Variants in BAZ2B observed in about 807,000 individuals in gnomAD.
BAZ2B encodes bromodomain adjacent to zinc finger domain 2B.
BAZ2B carries 91 observed loss-of-function variants against 246.0 expected under a neutral mutation model. The ratio of observed to expected loss-of-function variants is 0.37; its 90% confidence interval spans 0.31 to 0.44. BAZ2B has a LOEUF of 0.44. Among genes scored for constraint, BAZ2B ranks in the 20% least tolerant of loss-of-function variants. BAZ2B has a pLI of 1.00. For missense variants in BAZ2B, 2,332 were observed against 2,533.7 expected, an observed-to-expected ratio of 0.92 and a Z score of 1.71; for synonymous variants, 855 against 860.0, an observed-to-expected ratio of 0.99 and a Z score of 0.10.
At chr2:159,623,016 G>C in the BAZ2B span, among the ~76,000 whole-genome samples, 168 of 127,052 alleles carry the variant, frequency 1.3e-3, no homozygotes, top group Non-Finnish European at 2.2e-3. Flanking sequence ...AAACAGGAAA[G>C]GAAAGAAAAG....
At chr2:159,615,152 G>A (rs1695619516) in intron 1 of BAZ2B, 1 of 152,020 alleles carries the variant, frequency 6.6e-6, no homozygotes, top group African/African-American at 2.4e-5. Context: ...GAGGGAGAAA[G>A]AAAAGAAGAG....
At chr2:159,502,900 T>C (rs902897660) in intron 2 of BAZ2B, among the ~76,000 whole-genome samples, 1 of 152,188 alleles carries the variant, frequency 6.6e-6, no homozygotes, top group African/African-American at 2.4e-5. Flanking sequence ...ATATACTTTT[T>C]AAAAACTTGG....
chr2:159,380,302 T>A (rs1306954090), intron 25 of BAZ2B, among the ~76,000 whole-genome samples: 2 of 152,194 alleles, frequency 1.3e-5, no homozygotes, highest in Non-Finnish European at 2.9e-5. Flanking sequence ...CTTCATTTTC[T>A]CACTTTCTAT....
chr2:159,696,922 G>A, the BAZ2B span, among the ~76,000 whole-genome samples: 4 of 152,122 alleles, frequency 2.6e-5, no homozygotes, highest in Admixed American at 1.3e-4. Context: ...AAGTAGCTGC[G>A]ACTACAGGTG....
chr2:159,322,996 T>C (rs750799769), intron 36 of BAZ2B, among the ~76,000 whole-genome samples: 1,699 of 70,596 alleles, frequency 0.024, 14 homozygotes, highest in Non-Finnish European at 0.072. Context: ...TTTTGTAGCT[T>C]TTTTTTTTTT....
At chr2:159,427,552 T>TA (rs1201921124) in intron 13 of BAZ2B, among the ~76,000 whole-genome samples, 20 of 152,134 alleles carry the variant, frequency 1.3e-4, no homozygotes, top group Non-Finnish European at 2.5e-4. Flanking sequence ...GGCATACATA[T>TA]CCTCTTTTGG....
chr2:159,645,428 T>C, the BAZ2B span, among the ~76,000 whole-genome samples: 2 of 152,120 alleles, frequency 1.3e-5, no homozygotes, highest in African/African-American at 4.8e-5. Context: ...GGTTTCAGAA[T>C]GAAACTGTTC....
rs114815640 is a variant in BAZ2B, at chr2:159,345,447, T to C, written c.5454+2039A>G. On this transcript the variant is annotated intron_variant, in intron 31 of 36. Transcript: ENST00000392783. ...AACATCACCATGTACTCCATGATAC[T>C]GTACATTATCATTTATGATTTTAAA... Among the ~76,000 whole-genome samples, 1,393 of 152,330 alleles carry C rather than the reference T, an allele frequency of 9.1e-3. 22 individuals are homozygous for C. Among genetic ancestry groups the C allele is most frequent in the African/African-American group, 0.031 (1,269 of 41,570 alleles).
intron 2 of BAZ2B, among the ~76,000 whole-genome samples, chr2:159,512,970 T>G (rs750966260): frequency 1.3e-5 from 2 of 152,168 alleles, no homozygotes; most frequent in African/African-American, 4.8e-5. Context: ...AATTTTAACA[T>G]CATACATTTT....
chr2:159,559,590 G>T (rs2089609615), intron 1 of BAZ2B, among the ~76,000 whole-genome samples: 1 of 152,012 alleles, frequency 6.6e-6, no homozygotes, highest in African/African-American at 2.4e-5. Flanking sequence ...AAGCACTAAA[G>T]CTCATAGGAT....
At chr2:159,385,426 C>A (rs2062522720) in intron 22 of BAZ2B, 57 bp from the exon 23 acceptor site, 2 of 1,412,386 alleles carry the variant, frequency 1.4e-6, no homozygotes, top group Admixed American at 3.6e-5. Context: ...ACCATAAAAA[C>A]AATAAGATTA....
the BAZ2B span, among the ~76,000 whole-genome samples, chr2:159,709,004 T>G: frequency 2.0e-5 from 3 of 152,106 alleles, no homozygotes; most frequent in African/African-American, 7.2e-5. Context: ...AAATAAAAAT[T>G]TATAAAGGCA....
chr2:159,623,107 A>G, the BAZ2B span, among the ~76,000 whole-genome samples: 1 of 147,252 alleles, frequency 6.8e-6, no homozygotes, highest in Non-Finnish European at 1.5e-5. Context: ...GGGAGAGGGA[A>G]GGGAAGGGAG....
rs780136864 is a variant in BAZ2B at position 159,347,469 on chromosome 2, T to C, written c.5454+17A>G. ...TCCATTATCCTAAAAACATATTTTA[T>C]TCCAAGTCGATTTTACCTTCACTTG... On this transcript the variant is annotated intron_variant, in intron 31 of 36. Transcript: ENST00000392783. The C allele has an allele frequency of 4.3e-5, 69 of 1,608,912 alleles. No individual in the cohort carries two copies. The highest frequency in any genetic ancestry group is 5.7e-5 in the Non-Finnish European group (67 of 1,175,758).
chr2:159,335,879 A>G (rs2065580685), intron 33 of BAZ2B, among the ~76,000 whole-genome samples: 1 of 152,180 alleles, frequency 6.6e-6, no homozygotes, highest in South Asian at 2.1e-4. Context: ...AGTAAATGGT[A>G]GCCAGGCACA....
At chr2:159,395,510 AT>A (rs1436722919) in intron 20 of BAZ2B, 1 of 270,946 alleles carries the variant, frequency 3.7e-6, no homozygotes, top group East Asian at 7.3e-5. Flanking sequence ...AGCTACTTTT[AT>A]CTAAACCAAT....
the BAZ2B span, among the ~76,000 whole-genome samples, chr2:159,708,549 A>T: frequency 7.9e-4 from 22 of 27,866 alleles, no homozygotes; most frequent in African/African-American, 2.2e-3. Flanking sequence ...ATAACCTTTT[A>T]TTTATTTATT....
At chr2:159,610,438 C>T (rs746731593) in intron 1 of BAZ2B, among the ~76,000 whole-genome samples, 17 of 152,180 alleles carry the variant, frequency 1.1e-4, no homozygotes, top group Non-Finnish European at 1.5e-4. Context: ...AACCTCTCTG[C>T]CCTCAGCAGG....
intron 1 of BAZ2B, among the ~76,000 whole-genome samples, chr2:159,558,832 T>A (rs1439402371): frequency 2.0e-5 from 3 of 152,124 alleles, no homozygotes; most frequent in African/African-American, 7.2e-5. Context: ...GAGGAAAACA[T>A]GTTGAACAGT....
Sources: gnomAD v4.1 joint callset for allele counts (sites outside exome capture counted in the v4.1 genomes callset) on GRCh38, gnomAD v4.1.1 for gene constraint, MANE v1.5 for transcripts, NCBI Gene and HGNC (gene_info 2026-07-23, HGNC 2026-07-21) for gene names.